The following SPEN variants were observed in gnomAD, a reference collection of about 807,000 sequenced individuals.
The protein encoded by SPEN is spen family transcriptional repressor.
A neutral mutation model predicts 269.9 loss-of-function variants in SPEN; 18 were observed. The ratio of observed to expected loss-of-function variants is 0.07; its 90% CI spans 0.05 to 0.10. The LOEUF (loss-of-function observed/expected upper bound fraction) is 0.10, where lower values mean the gene tolerates loss of function less well. Among genes scored for constraint, SPEN ranks in the 10% least tolerant of loss-of-function variants. SPEN has a pLI of 1.00. For missense variants in SPEN, 3,822 were observed against 4,631.2 expected (o/e 0.83, Z 5.07); for synonymous variants, 1,726 against 1,765.7 (o/e 0.98, Z 0.56).
chr1:15,885,241 GC>G (rs2070725961), intron 3 of SPEN, among the ~76,000 whole-genome samples: 1 of 151,328 alleles, frequency 6.6e-6, no homozygotes, highest in South Asian at 2.1e-4. Context: ...TCGCTCTGTT[GC>G]CCAGGCATGA....
chr1:15,934,424 T>C lies in SPEN; in HGVS notation c.8184T>C (p.Ala2728=). 1 of 1,613,874 alleles carries C rather than the reference T, an allele frequency of 6.2e-7. No individual in the cohort carries two copies. Among genetic ancestry groups the C allele is most frequent in the Non-Finnish European group, 8.5e-7 (1 of 1,180,028 alleles). The change falls in exon 11 of 15, where the codon GCT becomes GCC. Residue 2728 remains alanine (A), a synonymous_variant. Coordinates refer to ENST00000375759, the MANE Select transcript of SPEN (RefSeq NM_015001.3). This position sits in a 1 kb window ranked among gnomAD's most constrained non-coding sequence, Gnocchi z 9.2. The part of the protein sequence containing the change: ...VNAAPGTVNA[A]ASAVNATASA... ...CCGCCCCAGGCACAGTCAATGCCGC[T>C]GCGAGTGCAGTGAATGCCACAGCAA... is the stretch of plus-strand genomic sequence containing the variant.
At position 15,848,218 on chromosome 1, in the gene SPEN, G is replaced by T. The variant is rs551134634; in HGVS notation, c.83+68G>T. 13 of 1,180,168 alleles carry T rather than the reference G, an allele frequency of 1.1e-5. No homozygotes were observed. In the East Asian group the frequency reaches 3.7e-4, roughly 34 times the overall value. The allele number at this position is 1,180,168 out of a possible 1,614,324, so 73.1% of individuals were successfully genotyped here. Reference sequence around the variant, plus strand: ...CCGCTTCCCGCCCCGGCCCGTTGCCGGCCCCTCCCGGAGCGCGGAGCTGGT... The same window carrying T: ...CCGCTTCCCGCCCCGGCCCGTTGCCTGCCCCTCCCGGAGCGCGGAGCTGGT... On this transcript the variant is annotated intron_variant, in intron 1 of 14. Transcript: ENST00000375759. The surrounding 1 kb of genome is among the most constrained non-coding windows in gnomAD (Gnocchi z 5.1).
chr1:15,932,611 G>A lies in SPEN; in HGVS notation c.6371G>A (p.Ser2124Asn). 6.2e-7 allele frequency: 1 copy of A among 1,608,154 alleles called. No individual in the cohort carries two copies. The highest frequency in any genetic ancestry group is 8.5e-7 in the Non-Finnish European group (1 of 1,175,990). ...GTGGTGGCAGTCTCCCCTGAGAAAA[G>A]TGAGAGTCCCCAAAAGGAGGATGGT... is the stretch of plus-strand genomic sequence containing the variant. ...SGVVAVSPEK[S>N]ESPQKEDGLS... Residue 2124 changes from serine (S) to asparagine (N), a missense_variant, in exon 11 of 15, where the codon AGT becomes AAT. By Grantham distance (46) the Ser-to-Asn change is conservative. Coordinates refer to ENST00000375759, the MANE Select transcript of SPEN (RefSeq NM_015001.3). This position sits in a 1 kb window ranked among gnomAD's most constrained non-coding sequence, Gnocchi z 4.2.
chr1:15,873,251 T>A, intron 2 of SPEN, 115 bp downstream of exon 2: 1 of 1,413,456 alleles, frequency 7.1e-7, no homozygotes, highest in Admixed American at 2.9e-5. Flanking sequence ...CAATGTTTCC[T>A]ATTTTGGGTT....
intron 1 of SPEN, among the ~76,000 whole-genome samples, chr1:15,859,251 C>G (rs1055833663): frequency 6.7e-6 from 1 of 149,398 alleles, no homozygotes; most frequent in Non-Finnish European, 1.5e-5. Flanking sequence ...CAACTTTTGG[C>G]TTCAAGCAAT....
intron 4 of SPEN, among the ~76,000 whole-genome samples, chr1:15,909,980 T>C (rs371937575): frequency 1.5e-4 from 23 of 151,500 alleles, no homozygotes; most frequent in African/African-American, 5.3e-4. Flanking sequence ...AAAAATTAGC[T>C]GGGCGTGGTG....
At position 15,847,724 on chromosome 1, in the gene SPEN, T is replaced by G. The variant is rs2070284727; in HGVS notation, c.-344T>G. ...CGCGCGCCAGTGGGAAGCGTCCGGCTGCCACAGCGCCAGCTCCGTCGTAGT... is the reference window on the plus strand; with the variant it reads ...CGCGCGCCAGTGGGAAGCGTCCGGCGGCCACAGCGCCAGCTCCGTCGTAGT... On this transcript the variant is annotated 5_prime_UTR_variant, in exon 1 of 15. Transcript: ENST00000375759. The G allele has an allele frequency of 6.0e-6, 1 of 167,310 alleles. No homozygotes were observed. The highest frequency in any genetic ancestry group is 6.4e-5 in the Admixed American group (1 of 15,596). 10.4% of individuals were successfully genotyped at this position (167,310 alleles called of 1,614,324 possible).
intron 3 of SPEN, among the ~76,000 whole-genome samples, chr1:15,884,417 C>A (rs2070717327): frequency 6.6e-6 from 1 of 152,016 alleles, no homozygotes; most frequent in African/African-American, 2.4e-5. Context: ...GAAAATTTTT[C>A]AAAAATGCTG....
intron 3 of SPEN, among the ~76,000 whole-genome samples, chr1:15,901,990 A>G (rs2070906335): frequency 1.5e-5 from 2 of 135,228 alleles, no homozygotes; most frequent in Admixed American, 1.7e-4. Flanking sequence ...ATGCAGTGGC[A>G]TGATTTCGGC....
At position 15,939,552 on chromosome 1, in the gene SPEN, G is replaced by C. The variant is rs546449426; in HGVS notation, c.*125G>C. 5 of 1,244,288 alleles carry C rather than the reference G, an allele frequency of 4.0e-6. No homozygotes were observed. In the East Asian group the frequency reaches 1.4e-4, roughly 35 times the overall value. The allele number at this position is 1,244,288 out of a possible 1,614,324, so 77.1% of individuals were successfully genotyped here. ...AGACTCCACTGCCAGACGGCCAGCC[G>C]TTTGCTGTCCTGCCGCCCGGCTCAG... On this transcript the variant is annotated 3_prime_UTR_variant, in exon 15 of 15. Coordinates refer to ENST00000375759, the MANE Select transcript of SPEN (RefSeq NM_015001.3). This position sits in a 1 kb window ranked among gnomAD's most constrained non-coding sequence, Gnocchi z 4.1.
Position 15,928,840 on chromosome 1 carries a change from T to A in SPEN, c.2600T>A (p.Ile867Lys), listed in dbSNP as rs372911799. Residue 867 changes from isoleucine (I) to lysine (K), a missense_variant, in exon 11 of 15, where the codon ATA (isoleucine) becomes AAA (lysine). Ile to Lys is a moderately radical substitution (Grantham distance 102). Around this residue, in one of 16 missense-constraint regions of SPEN, gnomAD observed 572 missense variants for 582.6 expected, o/e 0.98. Transcript: ENST00000375759. This position sits in a 1 kb window ranked among gnomAD's most constrained non-coding sequence, Gnocchi z 5.7. ...AGAGAGAAAGCTGACAAAGAGGGAATAGCGAAAAACCGCCTGGAACTCATG... is the reference window on the plus strand; with the variant it reads ...AGAGAGAAAGCTGACAAAGAGGGAAAAGCGAAAAACCGCCTGGAACTCATG... ...LSREKADKEG[I>K]AKNRLELMPC... is the part of the protein sequence containing the mutation. 1 of 1,613,880 alleles carries A rather than the reference T, an allele frequency of 6.2e-7. No homozygotes were observed. Among genetic ancestry groups the A allele is most frequent in the Non-Finnish European group, 8.5e-7 (1 of 1,179,962 alleles).
At chr1:15,898,755 G>C (rs992024216) in intron 3 of SPEN, among the ~76,000 whole-genome samples, 1 of 151,840 alleles carries the variant, frequency 6.6e-6, no homozygotes, top group Non-Finnish European at 1.5e-5. Context: ...TAGAGATGGG[G>C]TTTCACCATG....
intron 10 of SPEN, among the ~76,000 whole-genome samples, chr1:15,926,677 G>A (rs556035080): frequency 6.6e-6 from 1 of 151,006 alleles, no homozygotes; most frequent in South Asian, 2.1e-4. Flanking sequence ...CCTTTATGGG[G>A]CTTAAGTTCT....
chr1:15,891,331 C>A (rs1027359623), intron 3 of SPEN, among the ~76,000 whole-genome samples: 2 of 151,604 alleles, frequency 1.3e-5, no homozygotes, highest in Admixed American at 1.3e-4. Context: ...AGACTATAGA[C>A]ATGCCACCAC....
At position 15,936,203 on chromosome 1, in the gene SPEN, A is replaced by G. The variant is rs750219834; in HGVS notation, c.9963A>G (p.Thr3321=). Reference sequence around the variant, plus strand: ...CCTACCACCCCCCGGCCCAGCTCACACACACTCAGTTTCCCGCCGCTTCCT... The same window carrying G: ...CCTACCACCCCCCGGCCCAGCTCACGCACACTCAGTTTCCCGCCGCTTCCT... The part of the protein sequence containing the change: ...IRTYHPPAQL[T]HTQFPAASSV... Residue 3321 remains threonine (T), a synonymous_variant, in exon 11 of 15, where the codon ACA becomes ACG. Coordinates refer to ENST00000375759, the MANE Select transcript of SPEN (RefSeq NM_015001.3). The G allele has an allele frequency of 6.3e-6, 10 of 1,578,506 alleles. No homozygotes were observed. The Admixed American group carries it at 1.4e-4, about 22-fold the overall frequency.
chr1:15,872,002 A>T (rs1317058568), intron 1 of SPEN, among the ~76,000 whole-genome samples: 1 of 152,032 alleles, frequency 6.6e-6, no homozygotes, highest in Non-Finnish European at 1.5e-5. Flanking sequence ...TGGGAAGCCA[A>T]GGCAGGCAGA....
In SPEN at chr1:15,931,115, G is replaced by C. The variant is rs2071215980; in HGVS notation, c.4875G>C (p.Glu1625Asp). The C allele has an allele frequency of 1.2e-6, 2 of 1,614,074 alleles. No homozygotes were observed. Among genetic ancestry groups the C allele is most frequent in the Non-Finnish European group, 1.7e-6 (2 of 1,180,048 alleles). ...CCAAGACCCCAGAATCTGCTCCTGA[G>C]AATAAAGATTCAGAACTGAAAACTC... ...NHPKTPESAPENKDSELKTPP... is the reference protein window; with the variant it reads ...NHPKTPESAPDNKDSELKTPP... Residue 1625 changes from glutamate (E) to aspartate (D), a missense_variant, in exon 11 of 15, where the codon GAG (glutamate) becomes GAC (aspartate). Glu to Asp is a conservative substitution (Grantham distance 45). This residue lies in a region of SPEN where 533 missense variants were observed against 618.8 expected (regional missense o/e 0.86). Coordinates refer to ENST00000375759, the MANE Select transcript of SPEN (RefSeq NM_015001.3). The surrounding 1 kb of genome is among the most constrained non-coding windows in gnomAD (Gnocchi z 4.8).
At chr1:15,938,953 G>C (rs1323504182) in intron 14 of SPEN, 77 bp downstream of exon 14, 1 of 1,524,414 alleles carries the variant, frequency 6.6e-7, no homozygotes. Context: ...CTACTCATCT[G>C]GTGCCCACTA....
intron 10 of SPEN, among the ~76,000 whole-genome samples, chr1:15,926,606 C>T (rs144863069): frequency 0.013 from 2,012 of 151,818 alleles, 10 homozygotes; most frequent in Middle Eastern, 0.024. Context: ...TAGTTGAGTG[C>T]TATGAGCCAA....
Sources: allele counts gnomAD v4.1 joint callset (sites outside exome capture counted in the v4.1 genomes callset), GRCh38; gene constraint gnomAD v4.1.1; regional missense constraint gnomAD v4.1.1; non-coding constraint Gnocchi (gnomAD v3.1); transcripts MANE v1.5; gene names NCBI Gene and HGNC (gene_info 2026-07-23, HGNC 2026-07-21).